The following ABCB1 variants were observed in gnomAD, a reference collection of about 807,000 sequenced individuals.
ABCB1 encodes ATP binding cassette subfamily B member 1.
In ABCB1, 69 loss-of-function variants were observed where a neutral mutation model predicts 142.0. That is an observed-to-expected ratio of 0.49 (90% confidence interval 0.40 to 0.59). ABCB1 has a LOEUF of 0.59. Among genes scored for constraint, ABCB1 ranks in the 20% least tolerant of loss-of-function variants. ABCB1 has a pLI of 0.00. For synonymous variants in ABCB1, 532 were observed against 539.2 expected (o/e 0.99, Z 0.18); for missense variants, 1,326 against 1,554.7 (o/e 0.85, Z 2.47).
chr7:87,610,598 T>C (rs920908416), intron 1 of ABCB1, among the ~76,000 whole-genome samples: 3 of 152,108 alleles, frequency 2.0e-5, no homozygotes, highest in Admixed American at 6.5e-5. Context: ...AAAGTAGTCA[T>C]GCAGGCTGGG....
chr7:87,504,493 C>T (rs1226969190), intron 27 of ABCB1, 44 bp from the exon 28 acceptor site: 3 of 1,609,132 alleles, frequency 1.9e-6, no homozygotes, highest in Non-Finnish European at 2.5e-6. Flanking sequence ...TAGTTCTTTT[C>T]CCTAATTCCT....
At chr7:87,606,581 C>A (rs566948684) in intron 1 of ABCB1, among the ~76,000 whole-genome samples, 3 of 151,940 alleles carry the variant, frequency 2.0e-5, no homozygotes, top group Non-Finnish European at 4.4e-5. Flanking sequence ...TAATATAAAA[C>A]GTGCTTACAG....
chr7:87,566,360 TTTTA>T, intron 6 of ABCB1, 119 bp from the exon 7 acceptor site: 1 of 1,053,540 alleles, frequency 9.5e-7, no homozygotes, highest in Non-Finnish European at 1.4e-6. Context: ...CTATGCTTTG[TTTTA>T]TTTAGCAGGG....
chr7:87,514,211 G>A (rs926301837), intron 25 of ABCB1, among the ~76,000 whole-genome samples: 1 of 152,176 alleles, frequency 6.6e-6, no homozygotes, highest in African/African-American at 2.4e-5. Context: ...CAGCGGGTGG[G>A]CATCCATCTG....
intron 4 of ABCB1, among the ~76,000 whole-genome samples, chr7:87,573,834 C>T (rs1335806741): frequency 6.6e-6 from 1 of 152,084 alleles, no homozygotes; most frequent in Admixed American, 6.6e-5. Flanking sequence ...TCAGAGAGAG[C>T]TGCTGCTGCA....
intron 18 of ABCB1, among the ~76,000 whole-genome samples, chr7:87,540,450 A>G (rs895880097): frequency 6.6e-6 from 1 of 152,088 alleles, no homozygotes; most frequent in Non-Finnish European, 1.5e-5. Context: ...TTATTTATTT[A>G]TTTATTTAGA....
rs28381722 is a variant in ABCB1 at position 87,711,849 on chromosome 7, G to A, written c.-331+1312C>T. Reference sequence around the variant, plus strand: ...CTGCCTGAGATATTTCTAAACTACCGTTCTTTTTTCTACCTCATTAATCAT... The same window carrying A: ...CTGCCTGAGATATTTCTAAACTACCATTCTTTTTTCTACCTCATTAATCAT... On this transcript the variant is annotated intron_variant, in intron 1 of 28. Transcript: ENST00000265724. Among the ~76,000 whole-genome samples the A allele has an allele frequency of 2.0e-3, 305 of 152,098 alleles. 2 individuals are homozygous for A. The highest frequency in any genetic ancestry group is 6.9e-3 in the African/African-American group (286 of 41,502).
At chr7:87,588,481 G>C (rs1818855479) in intron 3 of ABCB1, among the ~76,000 whole-genome samples, 1 of 152,170 alleles carries the variant, frequency 6.6e-6, no homozygotes, top group African/African-American at 2.4e-5. Flanking sequence ...ATGGCCTCCA[G>C]CTCCAGCCAT....
Position 87,656,812 on chromosome 7 carries a change from A to T in ABCB1, c.-330-55734T>A, listed in dbSNP as rs1366639771. Among the ~76,000 whole-genome samples, 7 of 152,182 alleles carry T rather than the reference A, an allele frequency of 4.6e-5. No individual in the cohort carries two copies. In the East Asian group the frequency reaches 1.3e-3, roughly 29 times the overall value. On this transcript the variant is annotated intron_variant, in intron 1 of 28. Coordinates refer to the ABCB1 transcript ENST00000265724. Reference sequence around the variant, plus strand: ...TATTTATCCATCACTAAGCTACTTAAATTTCAAGTTACTCATTCAAAAACA... The same window carrying T: ...TATTTATCCATCACTAAGCTACTTATATTTCAAGTTACTCATTCAAAAACA...
intron 1 of ABCB1, among the ~76,000 whole-genome samples, chr7:87,634,161 G>A (rs535643741): frequency 2.6e-5 from 4 of 152,228 alleles, no homozygotes; most frequent in Non-Finnish European, 4.4e-5. Flanking sequence ...TCACTAGTGG[G>A]TGATAAGTAC....
At chr7:87,580,530 T>C (rs894201293) in intron 4 of ABCB1, among the ~76,000 whole-genome samples, 1 of 152,166 alleles carries the variant, frequency 6.6e-6, no homozygotes, top group Non-Finnish European at 1.5e-5. Context: ...CTTGAGGTAG[T>C]CTTATTTGAG....
At chr7:87,537,565 G>T (rs996304040) in intron 19 of ABCB1, among the ~76,000 whole-genome samples, 1 of 151,876 alleles carries the variant, frequency 6.6e-6, no homozygotes, top group Admixed American at 6.6e-5. Context: ...GGGAAGAGTG[G>T]GTAAGGAATA....
intron 1 of ABCB1, among the ~76,000 whole-genome samples, chr7:87,672,366 C>G (rs1585058987): frequency 6.6e-6 from 1 of 152,152 alleles, no homozygotes; most frequent in Admixed American, 6.5e-5. Flanking sequence ...GGTGCCCAAA[C>G]AGCATAGATG....
intron 1 of ABCB1, among the ~76,000 whole-genome samples, chr7:87,694,506 A>T (rs549002417): frequency 5.3e-5 from 8 of 152,348 alleles, no homozygotes; most frequent in African/African-American, 1.7e-4. Flanking sequence ...TTATTTTTAA[A>T]TAGTAGAACG....
At chr7:87,703,489 A>G (rs952806977) in intron 1 of ABCB1, among the ~76,000 whole-genome samples, 1 of 152,162 alleles carries the variant, frequency 6.6e-6, no homozygotes, top group Non-Finnish European at 1.5e-5. Flanking sequence ...CTATAACTAT[A>G]AAGTTCACTT....
intron 4 of ABCB1, among the ~76,000 whole-genome samples, chr7:87,583,411 A>T (rs1818603705): frequency 6.6e-6 from 1 of 152,218 alleles, no homozygotes; most frequent in Admixed American, 6.5e-5. Context: ...GAGAATAACA[A>T]AAGTAAACTT....
Position 87,509,266 on chromosome 7 carries a change from G to A in ABCB1, c.3489+9C>T. 1.2e-6 allele frequency: 2 copies of A among 1,613,990 alleles called. No individual in the cohort carries two copies. Among genetic ancestry groups the A allele is most frequent in the South Asian group, 2.2e-5 (2 of 91,068 alleles). ...TGCTCCCAGGCTGTTTATTTGAAGA[G>A]AGACTTACATTAGGCAGTGACTCGA... On this transcript the variant is annotated intron_variant, in intron 26 of 27. Coordinates refer to ENST00000622132, the MANE Select transcript of ABCB1 (RefSeq NM_001348946.2).
intron 1 of ABCB1, among the ~76,000 whole-genome samples, chr7:87,670,092 C>T (rs1158161899): frequency 6.6e-6 from 1 of 152,166 alleles, no homozygotes; most frequent in Non-Finnish European, 1.5e-5. Flanking sequence ...CTCCCCCTCC[C>T]TTTCAGGAAT....
chr7:87,657,124 A>C (rs1276955693), intron 1 of ABCB1, among the ~76,000 whole-genome samples: 2 of 152,174 alleles, frequency 1.3e-5, no homozygotes, highest in East Asian at 1.9e-4. Flanking sequence ...AAACATAAGA[A>C]GACTCTGAAA....
Sources: gnomAD v4.1 joint callset for allele counts (sites outside exome capture counted in the v4.1 genomes callset) on GRCh38, gnomAD v4.1.1 for gene constraint, MANE v1.5 for transcripts, NCBI Gene and HGNC (gene_info 2026-07-23, HGNC 2026-07-21) for gene names.